Variants in DNAH8 observed in about 807,000 individuals in gnomAD.
DNAH8 encodes axonemal beta dynein heavy chain 8.
In DNAH8, 382 loss-of-function variants were observed where a neutral mutation model predicts 562.1. The observed-to-expected ratio is 0.68, with a 90% CI of 0.63 to 0.74. The LOEUF is 0.74. Ranked by LOEUF, DNAH8 falls within the 30% of genes least tolerant of loss-of-function variation. DNAH8 has a pLI of 0.00. For synonymous variants in DNAH8, 1,881 were observed against 1,919.4 expected, an observed-to-expected ratio of 0.98 and a Z score of 0.52; for missense variants, 5,203 against 5,620.4, an observed-to-expected ratio of 0.93 and a Z score of 2.37.
intron 3 of DNAH8, among the ~76,000 whole-genome samples, chr6:38,726,462 C>G (rs186095613): frequency 1.3e-5 from 2 of 152,268 alleles, no homozygotes; most frequent in African/African-American, 4.8e-5. Context: ...ATTTGCTATT[C>G]CTGGGGTATG....
chr6:38,768,337 A>C (rs1767220827), intron 11 of DNAH8, among the ~76,000 whole-genome samples: 1 of 152,076 alleles, frequency 6.6e-6, no homozygotes, highest in East Asian at 1.9e-4. Context: ...AGCCTGATCA[A>C]GTTCACTGCC....
At chr6:38,720,980 CAAAG>C (rs754513537) in intron 1 of DNAH8, among the ~76,000 whole-genome samples, 3 of 151,970 alleles carry the variant, frequency 2.0e-5, no homozygotes, top group Non-Finnish European at 2.9e-5. Flanking sequence ...GCAGATCAAG[CAAAG>C]AAAGAATCAC....
At chr6:38,887,519 C>T (rs77328550) in intron 57 of DNAH8, among the ~76,000 whole-genome samples, 1 of 152,102 alleles carries the variant, frequency 6.6e-6, no homozygotes, top group Non-Finnish European at 1.5e-5. Flanking sequence ...GCAGCCTGGG[C>T]TCATAGAGAG....
intron 8 of DNAH8, among the ~76,000 whole-genome samples, chr6:38,748,890 T>C (rs1279273918): frequency 6.6e-6 from 1 of 151,944 alleles, no homozygotes; most frequent in African/African-American, 2.4e-5. Context: ...GTTGAATCCA[T>C]TGATAGAATG....
chr6:38,987,271 G>A (rs763685247), intron 87 of DNAH8, among the ~76,000 whole-genome samples: 11 of 152,166 alleles, frequency 7.2e-5, no homozygotes, highest in Non-Finnish European at 1.5e-4. Flanking sequence ...CTCAAGCAGG[G>A]GGATTCCCCT....
chr6:38,862,828 GGGGT>G (rs1563030639), intron 44 of DNAH8, among the ~76,000 whole-genome samples: 1 of 152,164 alleles, frequency 6.6e-6, no homozygotes, highest in East Asian at 1.9e-4. Context: ...AAATAAGAAG[GGGGT>G]GGCCATCAGC....
At chr6:38,897,663 C>T (rs1779792322) in intron 60 of DNAH8, among the ~76,000 whole-genome samples, 1 of 151,990 alleles carries the variant, frequency 6.6e-6, no homozygotes, top group Admixed American at 6.6e-5. Context: ...GCCTGTAATA[C>T]CCGCGACTTG....
chr6:38,896,606 C>CA lies in DNAH8; in HGVS notation c.8940+388dup, dbSNP rs1351874305. 1.2e-3 allele frequency among the ~76,000 whole-genome samples: 179 copies of CA among 146,700 alleles called. 1 individual carries two copies. The highest frequency in any genetic ancestry group is 4.2e-3 in the African/African-American group (169 of 39,948). On this transcript the variant is annotated intron_variant, in intron 60 of 92. Transcript: ENST00000327475. ...ACAAACAAACAAACAAACAAACAAACAAAAAAACAAAAAAGAGAGAGAGAG... is the reference window on the plus strand; with the variant it reads ...ACAAACAAACAAACAAACAAACAAACAAAAAAAACAAAAAAGAGAGAGAGAG...
rs144239746 is a variant in DNAH8 at position 38,929,530 on chromosome 6, A to C, written c.11138A>C (p.Lys3713Thr). Residue 3713 changes from lysine to threonine, a missense_variant, in exon 75 of 93, where the codon AAA (lysine) becomes ACA (threonine). Physicochemically the swap from Lys to Thr is moderately conservative, Grantham distance 78. Coordinates refer to ENST00000327475, the MANE Select transcript of DNAH8 (RefSeq NM_001206927.2). The part of the protein sequence containing the change: ...NDLQVTSLNH[K>T]YFRTHLEDSL... The stretch of plus-strand genomic sequence containing the variant: ...GTTTAGGTGACATCTCTGAACCATA[A>C]ATATTTTCGCACACACTTGGAGGAC... 4 of 1,612,384 alleles carry C rather than the reference A, an allele frequency of 2.5e-6. No individual in the cohort carries two copies. Among genetic ancestry groups the C allele is most frequent in the African/African-American group, 2.7e-5 (2 of 74,922 alleles).
chr6:38,782,956 A>T, intron 16 of DNAH8, 48 bp from the exon 17 acceptor site: 1 of 1,532,392 alleles, frequency 6.5e-7, no homozygotes, highest in Non-Finnish European at 8.9e-7. Flanking sequence ...TTGGATATAA[A>T]AACATTCAGC....
chr6:38,771,763 A>G (rs964423723), intron 12 of DNAH8, among the ~76,000 whole-genome samples: 3 of 148,912 alleles, frequency 2.0e-5, no homozygotes, highest in African/African-American at 7.3e-5. Flanking sequence ...TGTACGGATA[A>G]TATCAGTTTA....
Position 38,870,504 on chromosome 6 carries a change from A to G in DNAH8, c.6932A>G (p.His2311Arg), listed in dbSNP as rs1372116031. 12 of 1,614,102 alleles carry G rather than the reference A, an allele frequency of 7.4e-6. No individual in the cohort carries two copies. Among genetic ancestry groups the G allele is most frequent in the Non-Finnish European group, 1.0e-5 (12 of 1,179,966 alleles). The change falls in exon 49 of 93, where the codon CAT becomes CGT. Residue 2311 changes from histidine to arginine, a missense_variant. Transcript: ENST00000327475. ...GCAGAACTGCAAAACGCAGTAGCCCATCAGGTTCAGATAGAGGGTTTGATT... is the reference window on the plus strand; with the variant it reads ...GCAGAACTGCAAAACGCAGTAGCCCGTCAGGTTCAGATAGAGGGTTTGATT... ...TYAELQNAVAHQVQIEGLINH... is the reference protein window; with the variant it reads ...TYAELQNAVARQVQIEGLINH...
chr6:38,754,784 A>G (rs566826204), intron 9 of DNAH8, among the ~76,000 whole-genome samples: 2 of 152,238 alleles, frequency 1.3e-5, no homozygotes, highest in Admixed American at 1.3e-4. Flanking sequence ...GAATAATGAT[A>G]ATACTTTATT....
At chr6:38,795,070 C>T (rs527763301) in intron 21 of DNAH8, among the ~76,000 whole-genome samples, 1 of 152,320 alleles carries the variant, frequency 6.6e-6, no homozygotes, top group South Asian at 2.1e-4. Flanking sequence ...CCACTCCCCA[C>T]TCTTTGTTTT....
At chr6:38,888,059 G>A (rs990682880) in intron 57 of DNAH8, among the ~76,000 whole-genome samples, 2 of 151,146 alleles carry the variant, frequency 1.3e-5, no homozygotes, top group African/African-American at 4.9e-5. Flanking sequence ...GGTTGGTCTC[G>A]AACTCCTGAC....
At position 38,856,829 on chromosome 6, in the gene DNAH8, G is replaced by A. The variant is rs77518737; in HGVS notation, c.5734-689G>A. Among the ~76,000 whole-genome samples the A allele has an allele frequency of 0.012, 1,896 of 152,078 alleles. 97 individuals are homozygous for A. The East Asian group carries it at 0.15, about 12-fold the overall frequency. On this transcript the variant is annotated intron_variant, in intron 41 of 92. Transcript: ENST00000327475. ...CCAAATGATGTTGGATCTGTCATTC[G>A]ACTCTGGATGAATGAGAGCTCCTGA...
At chr6:38,779,932 T>G in intron 14 of DNAH8, 34 bp from the exon 15 acceptor site, 1 of 1,580,540 alleles carries the variant, frequency 6.3e-7, no homozygotes, top group Non-Finnish European at 8.7e-7. Flanking sequence ...ATTTCTCATT[T>G]ACTTTTTAAC....
chr6:38,805,648 A>G (rs1235257366), intron 23 of DNAH8, 52 bp downstream of exon 23: 1 of 1,034,888 alleles, frequency 9.7e-7, no homozygotes. Flanking sequence ...GGTTTATAGG[A>G]TTATAGATAA....
chr6:38,720,190 G>A (rs1384814243), intron 1 of DNAH8, among the ~76,000 whole-genome samples: 1 of 152,126 alleles, frequency 6.6e-6, no homozygotes, highest in Admixed American at 6.5e-5. Flanking sequence ...GGGTTTCATG[G>A]CAGGAGACCT....
Sources: gnomAD v4.1 joint callset for allele counts (sites outside exome capture counted in the v4.1 genomes callset) on GRCh38, gnomAD v4.1.1 for gene constraint, MANE v1.5 for transcripts, NCBI Gene and HGNC (gene_info 2026-07-23, HGNC 2026-07-21) for gene names.